ZNF337: variants seen among roughly 807,000 people sequenced by gnomAD.
The protein encoded by ZNF337 is zinc finger protein 337.
In ZNF337, 8 loss-of-function variants were observed where a neutral mutation model predicts 12.1. The observed-to-expected ratio is 0.66, with a 90% CI of 0.39 to 1.19. The LOEUF (loss-of-function observed/expected upper bound fraction) is 1.19. Among genes scored for constraint, ZNF337 ranks in the 50% most tolerant of loss-of-function variants. The probability of loss-of-function intolerance (pLI) is 0.01; values close to 1 mark genes in which losing one functional copy is unlikely to be tolerated. For missense variants in ZNF337, 882 were observed against 896.6 expected, an observed-to-expected ratio of 0.98 and a Z score of 0.21; for synonymous variants, 336 against 320.0, an observed-to-expected ratio of 1.05 and a Z score of -0.53.
At position 25,676,638 on chromosome 20, in the gene ZNF337, A is replaced by C. The variant is rs1474078484; in HGVS notation, c.650T>G (p.Phe217Cys). ...LFTCRECHQG[F>C]RDESALLLHQ... ...CAAGAGCAATGCTGACTCATCTCTA[A>C]AGCCCTGGTGACACTCCCTGCATGT... Residue 217 changes from phenylalanine (F) to cysteine (C), a missense_variant, in exon 5 of 5, where the codon TTT becomes TGT. Coordinates refer to ENST00000252979, the MANE Select transcript of ZNF337 (RefSeq NM_015655.4). 1 of 1,614,132 alleles carries C rather than the reference A, an allele frequency of 6.2e-7. No individual in the cohort carries two copies. The highest frequency in any genetic ancestry group is 2.2e-5 in the East Asian group (1 of 44,878).
intron 1 of ZNF337, among the ~76,000 whole-genome samples, chr20:25,696,101 C>CA (rs2065925292): frequency 1.7e-5 from 2 of 116,410 alleles, no homozygotes; most frequent in African/African-American, 3.4e-5. Flanking sequence ...CCCCCCCCCC[C>CA]ACCAAAACAC....
intron 4 of ZNF337, chr20:25,680,744 T>TA (rs900884546): frequency 1.6e-4 from 24 of 152,348 alleles, no homozygotes; most frequent in African/African-American, 4.8e-4. Flanking sequence ...CAGGGTAACT[T>TA]ACAATGGTGT....
chr20:25,675,110 T>G lies in ZNF337; in HGVS notation c.2178A>C (p.Ser726=). ...QECGRKFSNK[S]YYSKHLKRHL... ...GTCTCTTTAAGTGCTTACTGTAGTA[T>G]GACTTATTGCTAAACTTTCGTCCAC... The change falls in exon 5 of 5, where the codon TCA becomes TCC. Residue 726 remains serine, a synonymous_variant. Transcript: ENST00000252979. 6.2e-7 allele frequency: 1 copy of G among 1,614,192 alleles called. No individual in the cohort carries two copies. Among genetic ancestry groups the G allele is most frequent in the Non-Finnish European group, 8.5e-7 (1 of 1,180,038 alleles).
At chr20:25,693,779 A>G (rs1245905938) in intron 1 of ZNF337, among the ~76,000 whole-genome samples, 1 of 152,202 alleles carries the variant, frequency 6.6e-6, no homozygotes, top group East Asian at 1.9e-4. Flanking sequence ...GGAAGGCAAT[A>G]CATAAGAAGT....
Position 25,674,977 on chromosome 20 carries a change from ACAAAG to A in ZNF337, c.*50_*54del. On this transcript the variant is annotated 3_prime_UTR_variant, in exon 5 of 5. Transcript: ENST00000252979. Reference sequence around the variant, plus strand: ...TATGCAGCCTCAACTAAAGCTTGTAACAAAGCAAAGTTACTCTCCTGAGTGTGTCC... The same window carrying A: ...TATGCAGCCTCAACTAAAGCTTGTAACAAAGTTACTCTCCTGAGTGTGTCC... 1 of 1,531,518 alleles carries A rather than the reference ACAAAG, an allele frequency of 6.5e-7. No homozygotes were observed. The highest frequency in any genetic ancestry group is 1.2e-5 in the South Asian group (1 of 80,874). 94.9% of individuals were successfully genotyped at this position (1,531,518 alleles called of 1,614,324 possible). A position where few individuals can be genotyped will look rare whatever the true frequency, so the allele number is the denominator to read the frequency against.
chr20:25,681,255 TATG>T (rs2065765091), intron 4 of ZNF337: 1 of 152,200 alleles, frequency 6.6e-6, no homozygotes, highest in Non-Finnish European at 1.5e-5. Flanking sequence ...CCTCCCAGTC[TATG>T]ATATTTCGTC....
intron 4 of ZNF337, among the ~76,000 whole-genome samples, chr20:25,680,390 C>G (rs1569009651): frequency 6.6e-6 from 1 of 151,744 alleles, no homozygotes; most frequent in East Asian, 1.9e-4. Context: ...TATTATGTAT[C>G]AACAAATAAG....
At position 25,693,016 on chromosome 20, in the gene ZNF337, A is replaced by C. The variant is rs558577327; in HGVS notation, c.-50+3743T>G. ...TCAATGAAGCTAATTCTTAACAGAA[A>C]CCCCCAAAATCCCAGCTTGCTCCAC... On this transcript the variant is annotated intron_variant, in intron 1 of 4. Transcript: ENST00000252979. 3.3e-5 allele frequency among the ~76,000 whole-genome samples: 5 copies of C among 152,174 alleles called. 1 individual carries two copies. The highest frequency in any genetic ancestry group is 9.6e-5 in the African/African-American group (4 of 41,500).
rs1382693895 is a variant in ZNF337, at chr20:25,675,048, C to T, written c.2240G>A (p.Gly747Asp). 5.6e-6 allele frequency: 9 copies of T among 1,613,362 alleles called. No homozygotes were observed. In the African/African-American group the frequency reaches 9.3e-5, roughly 17 times the overall value. ...REKRFCTGSV[G>D]EASS ...GATATAACTTCAAGATGAAGCCTCA[C>T]CCACACTCCCTGTACAAAAACGCTT... Residue 747 changes from glycine (G) to aspartate (D), a missense_variant, in exon 5 of 5, where the codon GGT becomes GAT. Gly to Asp is a moderately conservative substitution (Grantham distance 94). Transcript: ENST00000252979.
Position 25,675,122 on chromosome 20 carries a change from AAAC to A in ZNF337, c.2163_2165del (p.Lys721_Phe722delinsAsn). The A allele has an allele frequency of 6.2e-7, 1 of 1,614,092 alleles. No homozygotes were observed. The highest frequency in any genetic ancestry group is 1.1e-5 in the South Asian group (1 of 91,088). ...GCTTACTGTAGTATGACTTATTGCT[AAAC>A]TTTCGTCCACACTCTTGGCATTCAT... On this transcript the variant is annotated inframe_deletion, in exon 5 of 5. Transcript: ENST00000252979.
intron 4 of ZNF337, among the ~76,000 whole-genome samples, chr20:25,683,558 G>A (rs1441943949): frequency 6.6e-6 from 1 of 151,010 alleles, no homozygotes; most frequent in Non-Finnish European, 1.5e-5. Flanking sequence ...GATATGAACA[G>A]ACACTCCTCA....
At chr20:25,680,405 TA>T in intron 4 of ZNF337, among the ~76,000 whole-genome samples, 1 of 151,890 alleles carries the variant, frequency 6.6e-6, no homozygotes, top group Admixed American at 6.6e-5. Context: ...AATAAGAAAA[TA>T]ATCCCCCCAA....
In ZNF337 at chr20:25,696,087, T is replaced by TCCCCCCC. The variant is rs149644721; in HGVS notation, c.-50+665_-50+671dup. The stretch of plus-strand genomic sequence containing the variant: ...TCCCGCGGACGCTGCCCCACGCAGA[T>TCCCCCCC]CCCCCCCCCCCCCCACCAAAACACG... On this transcript the variant is annotated intron_variant, in intron 1 of 4. Coordinates refer to ENST00000252979, the MANE Select transcript of ZNF337 (RefSeq NM_015655.4). Among the ~76,000 whole-genome samples, 44 of 52,102 alleles carry TCCCCCCC rather than the reference T, an allele frequency of 8.4e-4. 5 individuals carry two copies. Among genetic ancestry groups the TCCCCCCC allele is most frequent in the Non-Finnish European group, 1.0e-3 (26 of 25,618 alleles). 34.2% of individuals were successfully genotyped at this position (52,102 alleles called of 152,430 possible).
At chr20:25,684,898 T>TC (rs1426720847) in intron 4 of ZNF337, among the ~76,000 whole-genome samples, 1 of 151,978 alleles carries the variant, frequency 6.6e-6, no homozygotes, top group Non-Finnish European at 1.5e-5. Context: ...ACACTATATG[T>TC]TCTCACTCAT....
At position 25,696,847 on chromosome 20, in the gene ZNF337, G is replaced by A; in HGVS notation, c.-138C>T. On this transcript the variant is annotated 5_prime_UTR_variant, in exon 1 of 5. Coordinates refer to ENST00000252979, the MANE Select transcript of ZNF337 (RefSeq NM_015655.4). Reference sequence around the variant, plus strand: ...TCGCTGACGCCCAGGGATCTGGAACGCTCTGCGCCGCCCGGGACTACACTA... The same window carrying A: ...TCGCTGACGCCCAGGGATCTGGAACACTCTGCGCCGCCCGGGACTACACTA... The A allele has an allele frequency of 1.7e-5, 17 of 983,946 alleles. No homozygotes were observed. The highest frequency in any genetic ancestry group is 2.1e-5 in the Non-Finnish European group (17 of 828,568). The allele number at this position is 983,946 out of a possible 1,614,324, so 61.0% of individuals were successfully genotyped here. A position where few individuals can be genotyped will look rare whatever the true frequency, so the allele number is the denominator to read the frequency against.
At chr20:25,684,496 G>A (rs1001516553) in intron 4 of ZNF337, among the ~76,000 whole-genome samples, 3 of 152,166 alleles carry the variant, frequency 2.0e-5, no homozygotes, top group African/African-American at 7.2e-5. Flanking sequence ...AGAGGATGTG[G>A]AGAAATAGGA....
Position 25,676,753 on chromosome 20 carries a change from C to A in ZNF337, c.535G>T (p.Ala179Ser). The change falls in exon 5 of 5, where the codon GCA (alanine) becomes TCA (serine). Residue 179 changes from alanine (A) to serine (S), a missense_variant. Ala to Ser is a moderately conservative substitution (Grantham distance 99, BLOSUM62 1). Coordinates refer to ENST00000252979, the MANE Select transcript of ZNF337 (RefSeq NM_015655.4). ...LKGIENSRWG[A>S]FKCAERGQDF... ...TGCCCACGCTCTGCACACTTGAATG[C>A]TCCCCATCTTGAATTTTCTATTCCT... is the stretch of plus-strand genomic sequence containing the variant. The A allele has an allele frequency of 6.2e-7, 1 of 1,614,214 alleles. No individual in the cohort carries two copies. Among genetic ancestry groups the A allele is most frequent in the East Asian group, 2.2e-5 (1 of 44,886 alleles).
intron 4 of ZNF337, among the ~76,000 whole-genome samples, chr20:25,682,678 A>C (rs2065780823): frequency 6.6e-6 from 1 of 151,764 alleles, no homozygotes; most frequent in Admixed American, 6.6e-5. Flanking sequence ...CTAAAAATAC[A>C]AAAAAAATTA....
intron 4 of ZNF337, 114 bp downstream of exon 4, chr20:25,685,453 G>A: frequency 1.2e-6 from 1 of 822,302 alleles, no homozygotes. Context: ...CAGGTGGTCT[G>A]AAGAGCAGCC....
Sources: gnomAD v4.1 joint callset for allele counts (sites outside exome capture counted in the v4.1 genomes callset) on GRCh38, gnomAD v4.1.1 for gene constraint, MANE v1.5 for transcripts, NCBI Gene and HGNC (gene_info 2026-07-23, HGNC 2026-07-21) for gene names.